GRIK1: variants seen among roughly 807,000 people sequenced by gnomAD.
GRIK1 encodes the protein glutamate receptor ionotropic, kainate 1.
In GRIK1, 69 loss-of-function variants were observed where a neutral mutation model predicts 105.7. That is an observed-to-expected ratio of 0.65 (90% confidence interval 0.54 to 0.80). The LOEUF (loss-of-function observed/expected upper bound fraction) is 0.80. GRIK1 is among the 30% of genes least tolerant of loss of function. The probability of loss-of-function intolerance (pLI) is 0.00; values close to 1 mark genes in which losing one functional copy is unlikely to be tolerated. For missense variants in GRIK1, 1,109 were observed against 1,167.3 expected, an observed-to-expected ratio of 0.95 and a Z score of 0.73; for synonymous variants, 438 against 431.3, an observed-to-expected ratio of 1.02 and a Z score of -0.19.
In GRIK1 at chr21:29,768,822, GTCT is replaced by G. The variant is rs1385912366; in HGVS notation, c.119-74762_119-74760del. Among the ~76,000 whole-genome samples the G allele has an allele frequency of 3.9e-5, 6 of 152,300 alleles. No individual in the cohort carries two copies. In the East Asian group the frequency reaches 7.7e-4, roughly 20 times the overall value. On this transcript the variant is annotated intron_variant, in intron 1 of 17. Coordinates refer to ENST00000327783, the MANE Select transcript of GRIK1 (RefSeq NM_001330994.2). ...TCAACTTACGCAGTTTTCCTGATGT[GTCT>G]TCTTCTTTGACTGAAGAATTGCAAG...
chr21:29,793,039 C>T (rs2066466764), intron 1 of GRIK1, among the ~76,000 whole-genome samples: 1 of 152,126 alleles, frequency 6.6e-6, no homozygotes, highest in South Asian at 2.1e-4. Flanking sequence ...TGCACGTGAG[C>T]AAATCTGATC....
intron 7 of GRIK1, among the ~76,000 whole-genome samples, chr21:29,631,673 CAG>C (rs2062276026): frequency 6.6e-6 from 1 of 152,020 alleles, no homozygotes; most frequent in African/African-American, 2.4e-5. Flanking sequence ...GTAAAAGACA[CAG>C]TGGATTAAAA....
At chr21:29,695,747 A>T (rs959565135) in intron 1 of GRIK1, among the ~76,000 whole-genome samples, 7 of 152,150 alleles carry the variant, frequency 4.6e-5, no homozygotes, top group Non-Finnish European at 8.8e-5. Flanking sequence ...TGATGGGATT[A>T]CAGGCATGAG....
At chr21:29,689,423 G>A (rs905140394) in intron 3 of GRIK1, among the ~76,000 whole-genome samples, 6 of 151,798 alleles carry the variant, frequency 4.0e-5, no homozygotes, top group Non-Finnish European at 8.8e-5. Context: ...TATTAGAGCT[G>A]GAAAAATGAA....
chr21:29,815,741 C>A (rs935654557), intron 1 of GRIK1, among the ~76,000 whole-genome samples: 4 of 152,012 alleles, frequency 2.6e-5, no homozygotes, highest in Non-Finnish European at 5.9e-5. Flanking sequence ...ATTAAAAATA[C>A]TCAACAACTA....
intron 1 of GRIK1, among the ~76,000 whole-genome samples, chr21:29,770,092 G>A (rs1384196173): frequency 6.6e-6 from 1 of 152,180 alleles, no homozygotes; most frequent in East Asian, 1.9e-4. Context: ...GATGCGGGGA[G>A]ATCTTCTCTA....
intron 7 of GRIK1, among the ~76,000 whole-genome samples, chr21:29,618,408 G>T (rs1038106088): frequency 6.6e-6 from 1 of 152,198 alleles, no homozygotes; most frequent in Non-Finnish European, 1.5e-5. Flanking sequence ...TACACTGCTG[G>T]TGGGAACGTA....
intron 7 of GRIK1, among the ~76,000 whole-genome samples, chr21:29,627,482 A>T (rs773514127): frequency 2.0e-5 from 3 of 152,168 alleles, no homozygotes; most frequent in Non-Finnish European, 4.4e-5. Context: ...GGAGAAAGAG[A>T]TTCCCGTGCC....
chr21:29,800,481 AT>A (rs2066675394), intron 1 of GRIK1, among the ~76,000 whole-genome samples: 1 of 152,244 alleles, frequency 6.6e-6, no homozygotes, highest in Admixed American at 6.5e-5. Flanking sequence ...AGAATGGACT[AT>A]AGCGAGAGTA....
chr21:29,935,576 T>C (rs2071719683), intron 1 of GRIK1, among the ~76,000 whole-genome samples: 1 of 152,174 alleles, frequency 6.6e-6, no homozygotes, highest in Non-Finnish European at 1.5e-5. Context: ...AAAATGATGC[T>C]CCAGCCAAGG....
intron 1 of GRIK1, among the ~76,000 whole-genome samples, chr21:29,724,340 G>A (rs889543774): frequency 2.1e-5 from 2 of 94,794 alleles, no homozygotes; most frequent in African/African-American, 6.0e-5. Flanking sequence ...GTTAGGTCAG[G>A]TGTCTGAGAT....
chr21:29,910,272 A>C (rs1352541182), intron 1 of GRIK1, among the ~76,000 whole-genome samples: 1 of 152,200 alleles, frequency 6.6e-6, no homozygotes, highest in Non-Finnish European at 1.5e-5. Flanking sequence ...TTCAGAATTA[A>C]ACTTCCATGA....
In GRIK1 at chr21:29,651,243, T is replaced by A; in HGVS notation, c.829A>T (p.Met277Leu). ...ATGTTAAGCAGCCGAAACCCGGTCATGTTTACGCCACTGTACCTATAGAGT... is the reference window on the plus strand; with the variant it reads ...ATGTTAAGCAGCCGAAACCCGGTCAAGTTTACGCCACTGTACCTATAGAGT... ...LELYRYSGVN[M>L]TGFRLLNIDN... Residue 277 changes from methionine (M) to leucine (L), a missense_variant, in exon 6 of 18, where the codon ATG becomes TTG. Met to Leu is a conservative substitution (Grantham distance 15). Transcript: ENST00000327783. 4.3e-6 allele frequency: 7 copies of A among 1,613,788 alleles called. No homozygotes were observed. Among genetic ancestry groups the A allele is most frequent in the East Asian group, 2.2e-5 (1 of 44,876 alleles).
At chr21:29,667,944 A>G (rs1166087892) in intron 4 of GRIK1, among the ~76,000 whole-genome samples, 1 of 152,232 alleles carries the variant, frequency 6.6e-6, no homozygotes, top group East Asian at 1.9e-4. Context: ...TCATAGTTGA[A>G]CAAAGCCTTT....
rs34910439 is a variant in GRIK1 at position 29,541,575 on chromosome 21, CTTTTT to C, written c.2608-3696_2608-3692del. Among the ~76,000 whole-genome samples, 31 of 95,990 alleles carry C rather than the reference CTTTTT, an allele frequency of 3.2e-4. 1 individual carries two copies. Among genetic ancestry groups the C allele is most frequent in the African/African-American group, 7.2e-4 (15 of 20,932 alleles). 63.0% of individuals were successfully genotyped at this position (95,990 alleles called of 152,430 possible). A position where few individuals can be genotyped will look rare whatever the true frequency, so the allele number is the denominator to read the frequency against. On this transcript the variant is annotated intron_variant, in intron 16 of 17. Coordinates refer to ENST00000327783, the MANE Select transcript of GRIK1 (RefSeq NM_001330994.2). ...CTATGCCATTCATTGCACTCACGGT[CTTTTT>C]TTTTTTTTTTTTTTTTGTGGGAGAG...
chr21:29,747,458 C>CAAGGCAGACCCTGAGAAGAGGCG (rs1569042853), intron 1 of GRIK1, among the ~76,000 whole-genome samples: 1 of 152,104 alleles, frequency 6.6e-6, no homozygotes, highest in African/African-American at 2.4e-5. Flanking sequence ...TTAAGGTAAA[C>CAAGGCAGACCCTGAGAAGAGGCG]AAGGCAGACC....
At chr21:29,851,981 A>G (rs1179020795) in intron 1 of GRIK1, among the ~76,000 whole-genome samples, 1 of 152,208 alleles carries the variant, frequency 6.6e-6, no homozygotes, top group Non-Finnish European at 1.5e-5. Context: ...TATCAGTGCC[A>G]TCTTTGATCC....
rs558182205 is a variant in GRIK1 at position 29,688,229 on chromosome 21, T to G, written c.544+1499A>C. Among the ~76,000 whole-genome samples, 8 of 152,320 alleles carry G rather than the reference T, an allele frequency of 5.3e-5. No individual in the cohort carries two copies. In the East Asian group the frequency reaches 1.5e-3, roughly 29 times the overall value. On this transcript the variant is annotated intron_variant, in intron 3 of 17. Coordinates refer to ENST00000327783, the MANE Select transcript of GRIK1 (RefSeq NM_001330994.2). ...ATACCCACTCACTTAGAATCTTCAA[T>G]TCTTTCTAAAATGAGATGAGGCACA...
At chr21:29,836,195 C>T (rs376687812) in intron 1 of GRIK1, among the ~76,000 whole-genome samples, 8 of 152,186 alleles carry the variant, frequency 5.3e-5, no homozygotes, top group East Asian at 3.9e-4. Flanking sequence ...TGAACTGAGG[C>T]ACTGGGAAAT....
Sources: allele counts gnomAD v4.1 joint callset (sites outside exome capture counted in the v4.1 genomes callset), GRCh38; gene constraint gnomAD v4.1.1; transcripts MANE v1.5; gene names NCBI Gene and HGNC (gene_info 2026-07-23, HGNC 2026-07-21).